The following CAPN5 variants were observed in gnomAD, a reference collection of about 807,000 sequenced individuals.
The protein encoded by CAPN5 is calpain-5.
CAPN5 carries 54 observed loss-of-function variants against 73.0 expected under a neutral mutation model. The observed-to-expected ratio is 0.74, with a 90% confidence interval of 0.59 to 0.93. The LOEUF is 0.93. Among genes scored for constraint, CAPN5 ranks in the 40% least tolerant of loss-of-function variants. The pLI, the probability that CAPN5 is intolerant of heterozygous loss-of-function variation, is 0.00. For synonymous variants in CAPN5, 335 were observed against 356.9 expected (o/e 0.94, Z 0.69); for missense variants, 785 against 882.9 (o/e 0.89, Z 1.41).
In CAPN5 at chr11:77,115,400, G is replaced by A. The variant is rs782426442; in HGVS notation, c.705G>A (p.Val235=). Residue 235 remains valine (V), a synonymous_variant, in exon 6 of 13, where the codon GTG becomes GTA. Transcript: ENST00000648180. ...GGLISASIKA[V]TAADMEARLA... is the part of the protein sequence containing the mutation. ...GCAACTGTGTCCCTCCACAGGCAGT[G>A]ACAGCAGCTGACATGGAGGCCCGCC... 7 of 1,600,296 alleles carry A rather than the reference G, an allele frequency of 4.4e-6. No homozygotes were observed. In the African/African-American group the frequency reaches 6.7e-5, roughly 15 times the overall value.
At chr11:77,098,330 A>AC (rs1233175479) in intron 3 of CAPN5, among the ~76,000 whole-genome samples, 3 of 68,648 alleles carry the variant, frequency 4.4e-5, no homozygotes, top group South Asian at 6.5e-4. Context: ...CGGGGGGCTG[A>AC]CCCCCCCACC....
intron 8 of CAPN5, 43 bp downstream of exon 8, chr11:77,118,395 C>T (rs374948581): frequency 6.0e-6 from 9 of 1,497,498 alleles, no homozygotes; most frequent in Non-Finnish European, 5.4e-6. Flanking sequence ...GTAGCAGCTG[C>T]GGGGTGCCTT....
chr11:77,115,499 A>G lies in CAPN5; in HGVS notation c.804A>G (p.Leu268=), dbSNP rs143460583. 5,612 of 1,613,368 alleles carry G rather than the reference A, an allele frequency of 3.5e-3. 13 individuals are homozygous for G. The highest frequency in any genetic ancestry group is 4.4e-3 in the Middle Eastern group (25 of 5,670). The change falls in exon 6 of 13, where the codon CTA becomes CTG. Residue 268 remains leucine (L), a synonymous_variant. Transcript: ENST00000648180. ...DVRKVRLGHG[L]LAFFKSEKLD... Reference sequence around the variant, plus strand: ...GCAAGGTGCGCCTGGGCCACGGCCTACTGGCCTTCTTCAAGTCAGAGAAGT... The same window carrying G: ...GCAAGGTGCGCCTGGGCCACGGCCTGCTGGCCTTCTTCAAGTCAGAGAAGT...
intron 1 of CAPN5, among the ~76,000 whole-genome samples, chr11:77,082,404 G>A (rs1049128954): frequency 6.6e-6 from 1 of 152,226 alleles, no homozygotes; most frequent in South Asian, 2.1e-4. Flanking sequence ...AAAGGCCTGG[G>A]TGGAGCAGCT....
At chr11:77,112,873 G>C in intron 4 of CAPN5, 76 bp downstream of exon 4, 1 of 1,370,758 alleles carries the variant, frequency 7.3e-7, no homozygotes, top group Non-Finnish European at 1.0e-6. Context: ...GTGGTATTCC[G>C]TTAGCCAGGG....
intron 3 of CAPN5, chr11:77,103,068 A>G: frequency 6.2e-7 from 1 of 1,613,794 alleles, no homozygotes; most frequent in South Asian, 1.1e-5. Context: ...CAAGCCGGGC[A>G]AGGTCACCAT....
intron 7 of CAPN5, among the ~76,000 whole-genome samples, chr11:77,117,642 C>T (rs1555041988): frequency 6.6e-6 from 1 of 152,188 alleles, no homozygotes; most frequent in Non-Finnish European, 1.5e-5. Flanking sequence ...CCCACCAGCT[C>T]CCTGGAGGCG....
rs1950551628 is a variant in CAPN5, at chr11:77,124,220, TC to T, written c.*354del. Reference sequence around the variant, plus strand: ...ACTTGTTTACACACGAACTGCCACATCCCCAAGCTCCGTTCTTGCCCCTCGT... The same window carrying T: ...ACTTGTTTACACACGAACTGCCACATCCCAAGCTCCGTTCTTGCCCCTCGT... On this transcript the variant is annotated 3_prime_UTR_variant, in exon 13 of 13. Coordinates refer to ENST00000648180, the MANE Select transcript of CAPN5 (RefSeq NM_004055.5). The T allele has an allele frequency of 4.2e-6, 1 of 235,940 alleles. No individual in the cohort carries two copies. The highest frequency in any genetic ancestry group is 8.9e-5 in the South Asian group (1 of 11,256). 14.6% of individuals were successfully genotyped at this position (235,940 alleles called of 1,614,324 possible). A position where few individuals can be genotyped will look rare whatever the true frequency, so the allele number is the denominator to read the frequency against.
At chr11:77,123,067 G>C (rs183425404) in intron 12 of CAPN5, among the ~76,000 whole-genome samples, 1 of 152,228 alleles carries the variant, frequency 6.6e-6, no homozygotes, top group Non-Finnish European at 1.5e-5. Flanking sequence ...TGTGTGGTGC[G>C]TGTGGCTGTT....
chr11:77,110,396 G>A (rs1555040581), intron 3 of CAPN5, among the ~76,000 whole-genome samples: 2 of 152,196 alleles, frequency 1.3e-5, no homozygotes, highest in Admixed American at 1.3e-4. Context: ...GCAAAGTGGG[G>A]AGAGAGTGCC....
intron 1 of CAPN5, among the ~76,000 whole-genome samples, chr11:77,070,742 A>G (rs61902104): frequency 0.14 from 21,681 of 152,174 alleles, 1,606 homozygotes; most frequent in Middle Eastern, 0.24. Flanking sequence ...CCATGAGTCT[A>G]ATGGAGCTAA....
chr11:77,076,344 G>A (rs1949968474), intron 1 of CAPN5, among the ~76,000 whole-genome samples: 2 of 152,142 alleles, frequency 1.3e-5, no homozygotes, highest in South Asian at 2.1e-4. Context: ...AACAGAGTGA[G>A]ACTCCAAAAA....
intron 7 of CAPN5, among the ~76,000 whole-genome samples, chr11:77,117,419 C>A (rs1950479810): frequency 6.6e-6 from 1 of 152,182 alleles, no homozygotes; most frequent in Non-Finnish European, 1.5e-5. Flanking sequence ...GGCCCCCAGG[C>A]AGACTGGGGG....
intron 3 of CAPN5, among the ~76,000 whole-genome samples, chr11:77,100,100 G>GCC (rs1950269221): frequency 6.6e-6 from 1 of 152,152 alleles, no homozygotes; most frequent in African/African-American, 2.4e-5. Context: ...GCCTCCCAAG[G>GCC]TGCTGGGATT....
intron 2 of CAPN5, among the ~76,000 whole-genome samples, chr11:77,086,268 T>A (rs1950085290): frequency 6.6e-6 from 1 of 152,188 alleles, no homozygotes; most frequent in Non-Finnish European, 1.5e-5. Flanking sequence ...GTTTTCTAGT[T>A]TCCCTCCCAG....
chr11:77,110,289 A>T (rs111611179), intron 3 of CAPN5, among the ~76,000 whole-genome samples: 6,705 of 152,130 alleles, frequency 0.044, 505 homozygotes, highest in African/African-American at 0.15. Context: ...ACAGAGTTTT[A>T]CCATGTTGGC....
intron 1 of CAPN5, among the ~76,000 whole-genome samples, chr11:77,067,463 C>T (rs968679544): frequency 2.0e-5 from 3 of 152,104 alleles, no homozygotes; most frequent in Non-Finnish European, 4.4e-5. Context: ...CTCTTCCCTG[C>T]TTAACCCCCC....
chr11:77,123,156 G>C (rs1446074108), intron 12 of CAPN5, among the ~76,000 whole-genome samples: 1 of 152,204 alleles, frequency 6.6e-6, no homozygotes, highest in Non-Finnish European at 1.5e-5. Context: ...GATGTGGCCT[G>C]GGGATGATGA....
chr11:77,088,047 A>G, intron 2 of CAPN5: 2 of 1,534,636 alleles, frequency 1.3e-6, no homozygotes, highest in Non-Finnish European at 1.7e-6. Context: ...CTCCTCGCTC[A>G]GGGCCCGGGA....
Sources: allele counts gnomAD v4.1 joint callset (sites outside exome capture counted in the v4.1 genomes callset), GRCh38; gene constraint gnomAD v4.1.1; transcripts MANE v1.5; gene names NCBI Gene and HGNC (gene_info 2026-07-23, HGNC 2026-07-21).